The following SERPINI2 variants were observed in gnomAD, a reference collection of about 807,000 sequenced individuals.
The protein encoded by SERPINI2 is serpin I2.
A neutral mutation model predicts 47.3 loss-of-function variants in SERPINI2; 48 were observed. That is an observed-to-expected ratio of 1.02 (90% confidence interval 0.81 to 1.29). The LOEUF (loss-of-function observed/expected upper bound fraction) is 1.29, where lower values mean the gene tolerates loss of function less well. Among genes scored for constraint, SERPINI2 ranks in the 50% most tolerant of loss-of-function variants. The probability of loss-of-function intolerance (pLI) is 0.00; values close to 1 mark genes in which losing one functional copy is unlikely to be tolerated. For missense variants in SERPINI2, 448 were observed against 456.9 expected (o/e 0.98, Z 0.18); for synonymous variants, 135 against 149.3 (o/e 0.90, Z 0.70).
At chr3:167,460,789 A>T (rs1415323830) in intron 5 of SERPINI2, among the ~76,000 whole-genome samples, 1 of 152,194 alleles carries the variant, frequency 6.6e-6, no homozygotes, top group Non-Finnish European at 1.5e-5. Context: ...TAAGATATTT[A>T]AAATTAAATA....
intron 5 of SERPINI2, among the ~76,000 whole-genome samples, 166 bp downstream of exon 5, chr3:167,465,040 G>A (rs1441159999): frequency 6.6e-6 from 1 of 152,102 alleles, no homozygotes; most frequent in African/African-American, 2.4e-5. Flanking sequence ...GCTAGCACAG[G>A]TAAGCCCTGC....
At chr3:167,466,838 GAAAAT>G (rs899194054) in intron 3 of SERPINI2, among the ~76,000 whole-genome samples, 30 of 152,008 alleles carry the variant, frequency 2.0e-4, no homozygotes, top group African/African-American at 6.5e-4. Flanking sequence ...TCTCTCAAAA[GAAAAT>G]AAAAGAATCA....
intron 6 of SERPINI2, among the ~76,000 whole-genome samples, chr3:167,450,034 A>C (rs1435500075): frequency 6.6e-6 from 1 of 152,234 alleles, no homozygotes; most frequent in Non-Finnish European, 1.5e-5. Flanking sequence ...GCCATTGTCT[A>C]TAGACAGAAT....
intron 2 of SERPINI2, among the ~76,000 whole-genome samples, chr3:167,467,634 C>G: frequency 6.6e-6 from 1 of 152,244 alleles, no homozygotes; most frequent in East Asian, 1.9e-4. Context: ...ATTTGCATAA[C>G]GTGAGCATGT....
At chr3:167,442,587 TG>T (rs1354438617) in intron 8 of SERPINI2, among the ~76,000 whole-genome samples, 1 of 152,232 alleles carries the variant, frequency 6.6e-6, no homozygotes, top group Non-Finnish European at 1.5e-5. Flanking sequence ...ATGCATGTAA[TG>T]TAAGTCTTAA....
At position 167,448,723 on chromosome 3, in the gene SERPINI2, C is replaced by T. The variant is rs1041051797; in HGVS notation, c.1051+593G>A. 3.9e-5 allele frequency among the ~76,000 whole-genome samples: 6 copies of T among 152,066 alleles called. No individual in the cohort carries two copies. In the South Asian group the frequency reaches 1.2e-3, roughly 32 times the overall value. ...ATTTTTAGTAGAGACGGGGTTTCAC[C>T]GTGTTATCCAGGATGGTCTCAATCT... On this transcript the variant is annotated intron_variant, in intron 7 of 8. Coordinates refer to ENST00000264677, the Ensembl canonical transcript of SERPINI2.
chr3:167,459,302 C>G (rs550260606), intron 5 of SERPINI2, among the ~76,000 whole-genome samples: 3 of 152,098 alleles, frequency 2.0e-5, no homozygotes, highest in African/African-American at 4.8e-5. Context: ...TCTCGATCTC[C>G]TGACCTCGTG....
At chr3:167,459,249 T>C (rs1461156562) in intron 5 of SERPINI2, among the ~76,000 whole-genome samples, 1 of 151,946 alleles carries the variant, frequency 6.6e-6, no homozygotes, top group Non-Finnish European at 1.5e-5. Flanking sequence ...TAATTTTTTG[T>C]ATTTTTAGTA....
intron 8 of SERPINI2, among the ~76,000 whole-genome samples, chr3:167,443,355 C>T (rs1453219859): frequency 6.6e-6 from 1 of 152,204 alleles, no homozygotes; most frequent in African/African-American, 2.4e-5. Context: ...GATCCTCCCG[C>T]CTCAGCCTCC....
chr3:167,442,526 G>C (rs1433704539), intron 8 of SERPINI2, among the ~76,000 whole-genome samples: 2 of 152,150 alleles, frequency 1.3e-5, no homozygotes, highest in African/African-American at 4.8e-5. Context: ...TAATAAAACG[G>C]TGATGAGCGT....
upstream of SERPINI2, among the ~76,000 whole-genome samples, chr3:167,475,825 A>G (rs904521712): frequency 6.6e-6 from 1 of 151,726 alleles, no homozygotes; most frequent in Non-Finnish European, 1.5e-5. Context: ...AGGAATATAT[A>G]TAAAAACCAC....
At position 167,442,283 on chromosome 3, in the gene SERPINI2, T is replaced by C. The variant is rs191937768; in HGVS notation, c.1142-98A>G. ...TTAATATTTAACATGTCATTTGGTC[T>C]TTTTTCTCTGTAAGATAAATAGGCA... On this transcript the variant is annotated intron_variant, in intron 8 of 8. Coordinates refer to ENST00000264677, the Ensembl canonical transcript of SERPINI2. The C allele has an allele frequency of 4.0e-5, 34 of 839,720 alleles. No homozygotes were observed. The African/African-American group carries it at 5.3e-4, about 13-fold the overall frequency. 52.0% of individuals were successfully genotyped at this position (839,720 alleles called of 1,614,324 possible).
chr3:167,460,997 G>A (rs1055688705), intron 5 of SERPINI2, among the ~76,000 whole-genome samples: 8 of 152,182 alleles, frequency 5.3e-5, no homozygotes, highest in Non-Finnish European at 1.2e-4. Flanking sequence ...AAAGTGCAAT[G>A]TAATAAGTGC....
At chr3:167,463,541 T>G (rs1161677690) in intron 5 of SERPINI2, among the ~76,000 whole-genome samples, 1 of 151,624 alleles carries the variant, frequency 6.6e-6, no homozygotes, top group Non-Finnish European at 1.5e-5. Flanking sequence ...GAGAAAGAAA[T>G]AAGTCAGTAG....
intron 4 of SERPINI2, 27 bp downstream of exon 4, chr3:167,465,452 C>T: frequency 1.2e-6 from 2 of 1,609,694 alleles, no homozygotes; most frequent in Middle Eastern, 1.7e-4. Flanking sequence ...CAAGACTATG[C>T]TTAGGAACTG....
intron 7 of SERPINI2, among the ~76,000 whole-genome samples, chr3:167,448,936 C>G (rs1212379210): frequency 1.3e-5 from 2 of 152,050 alleles, no homozygotes; most frequent in African/African-American, 4.8e-5. Context: ...TGGTGACTAA[C>G]TTGGTGTAAT....
At chr3:167,449,785 G>T (rs540680981) in intron 6 of SERPINI2, among the ~76,000 whole-genome samples, 3 of 152,260 alleles carry the variant, frequency 2.0e-5, no homozygotes, top group Admixed American at 6.5e-5. Context: ...GAGCCACCAC[G>T]CCCAGCATCA....
intron 2 of SERPINI2, among the ~76,000 whole-genome samples, chr3:167,469,794 A>G (rs961582738): frequency 2.6e-5 from 4 of 152,180 alleles, no homozygotes; most frequent in Non-Finnish European, 5.9e-5. Context: ...TATATTAGTG[A>G]GAATATATTG....
In SERPINI2 at chr3:167,465,638, CA is replaced by C. The variant is rs765376436; in HGVS notation, c.513del (p.Phe171LeufsTer4). 6 of 1,610,440 alleles carry C rather than the reference CA, an allele frequency of 3.7e-6. No individual in the cohort carries two copies. The African/African-American group carries it at 5.4e-5, about 14-fold the overall frequency. ...ACCAGGACAAGCCGAGTCAGAGGGC[CA>C]AATTCTTCCCCTGAAAACATGTCTT... is the stretch of plus-strand genomic sequence containing the variant. On this transcript the variant is annotated frameshift_variant, in exon 4 of 9. Coordinates refer to ENST00000264677, the Ensembl canonical transcript of SERPINI2. LOFTEE classifies it high-confidence loss of function.
Sources: allele counts gnomAD v4.1 joint callset (sites outside exome capture counted in the v4.1 genomes callset), GRCh38; gene constraint gnomAD v4.1.1; transcripts MANE v1.5; gene names NCBI Gene and HGNC (gene_info 2026-07-23, HGNC 2026-07-21).